DUSP22: variants seen among roughly 807,000 people sequenced by gnomAD.
DUSP22 encodes dual specificity protein phosphatase 22.
In DUSP22, 24 loss-of-function variants were observed where a neutral mutation model predicts 24.5. That is an observed-to-expected ratio of 0.98 (90% confidence interval 0.71 to 1.38). The LOEUF is 1.38. Ranked by LOEUF, DUSP22 falls within the 40% of genes most tolerant of loss-of-function variation. DUSP22 has a pLI of 0.00. For synonymous variants in DUSP22, 160 were observed against 106.4 expected (o/e 1.50, Z -3.10); for missense variants, 330 against 269.2 (o/e 1.23, Z -1.58).
chr6:314,339 G>A (rs1758247293), intron 3 of DUSP22, among the ~76,000 whole-genome samples: 2 of 152,282 alleles, frequency 1.3e-5, no homozygotes, highest in Non-Finnish European at 2.9e-5. Flanking sequence ...AAGTGGGAAG[G>A]TAGCTACTGT....
At chr6:302,142 T>C (rs974051523) in intron 1 of DUSP22, among the ~76,000 whole-genome samples, 192 of 152,360 alleles carry the variant, frequency 1.3e-3, no homozygotes, top group Non-Finnish European at 2.1e-3. Flanking sequence ...GCCATCGCCG[T>C]CACGGAGGTG....
At chr6:348,435 C>G in intron 6 of DUSP22, 161 bp downstream of exon 6, 2 of 1,224,540 alleles carry the variant, frequency 1.6e-6, no homozygotes, top group Non-Finnish European at 1.1e-6. Flanking sequence ...GAAGTCGTCA[C>G]GATCCCTCGT....
chr6:295,842 C>A (rs1757303187), intron 1 of DUSP22, among the ~76,000 whole-genome samples: 1 of 151,034 alleles, frequency 6.6e-6, no homozygotes, highest in East Asian at 1.9e-4. Flanking sequence ...CAGTTGTGAA[C>A]CATTTTTTTT....
intron 2 of DUSP22, among the ~76,000 whole-genome samples, chr6:305,592 ACT>A (rs1353736376): frequency 1.5e-4 from 23 of 152,350 alleles, no homozygotes; most frequent in African/African-American, 4.3e-4. Flanking sequence ...TCAGCTATTG[ACT>A]CTATTTTCAC....
chr6:344,564 A>G (rs1394158203), intron 4 of DUSP22, among the ~76,000 whole-genome samples: 1 of 152,306 alleles, frequency 6.6e-6, no homozygotes. Context: ...TGCTAGGATG[A>G]TAGGTGTGTG....
At chr6:340,718 T>A (rs1759570183) in intron 4 of DUSP22, among the ~76,000 whole-genome samples, 1 of 152,306 alleles carries the variant, frequency 6.6e-6, no homozygotes, top group Non-Finnish European at 1.5e-5. Context: ...TAGCGTGGTC[T>A]GGTACCATGG....
chr6:313,424 G>A (rs3800244), intron 3 of DUSP22, among the ~76,000 whole-genome samples: 13,044 of 148,538 alleles, frequency 0.088, 35 homozygotes, highest in East Asian at 0.3. Flanking sequence ...ACAGGCTAGC[G>A]AGTAAAGCAG....
In DUSP22 at chr6:348,100, CA is replaced by C. The variant is rs1759971147; in HGVS notation, c.264-2del. ...CACACATGTGCTTCTCTTGGCCCCG[CA>C]GCCTGGCCGGGGTCTCCAGGAGCGT... On this transcript the variant is annotated splice_acceptor_variant, in intron 5 of 6. Transcript: ENST00000419235. LOFTEE classifies it high-confidence loss of function. 6.2e-7 allele frequency: 1 copy of C among 1,613,984 alleles called. No homozygotes were observed.
In DUSP22 at chr6:303,269, T is replaced by C. The variant is rs535272727; in HGVS notation, c.22-1359T>C. ...CTTTCAAGATAGGAATGATAAAGTA[T>C]AGACTGTTGTCTCGGAGTAATGATT... is the stretch of plus-strand genomic sequence containing the variant. On this transcript the variant is annotated intron_variant, in intron 1 of 6. Coordinates refer to ENST00000419235, the MANE Select transcript of DUSP22 (RefSeq NM_001286555.3). Among the ~76,000 whole-genome samples, 53 of 152,402 alleles carry C rather than the reference T, an allele frequency of 3.5e-4. No individual in the cohort carries two copies. The East Asian group carries it at 7.0e-3, about 20-fold the overall frequency.
chr6:335,850 G>C (rs1283045922), intron 4 of DUSP22, among the ~76,000 whole-genome samples: 2 of 152,308 alleles, frequency 1.3e-5, no homozygotes, highest in South Asian at 2.1e-4. Context: ...GGAGTGGAAT[G>C]AATAGGTCGT....
intron 2 of DUSP22, among the ~76,000 whole-genome samples, chr6:308,459 G>A (rs1196985502): frequency 6.6e-6 from 1 of 152,070 alleles, no homozygotes; most frequent in Non-Finnish European, 1.5e-5. Context: ...AGTGGGCAGA[G>A]CCTGTGCCTT....
At chr6:338,342 T>A (rs947795919) in intron 4 of DUSP22, among the ~76,000 whole-genome samples, 3 of 152,308 alleles carry the variant, frequency 2.0e-5, no homozygotes, top group Non-Finnish European at 2.9e-5. Context: ...CTGTTACAAG[T>A]GTTCTACTGG....
At chr6:341,767 T>G (rs1759619558) in intron 4 of DUSP22, among the ~76,000 whole-genome samples, 1 of 152,300 alleles carries the variant, frequency 6.6e-6, no homozygotes, top group African/African-American at 2.4e-5. Flanking sequence ...GACTTAACTC[T>G]TACTACAGAC....
At position 335,148 on chromosome 6, in the gene DUSP22, C is replaced by A; in HGVS notation, c.173C>A (p.Ser58Ter). 6.2e-7 allele frequency: 1 copy of A among 1,613,872 alleles called. No homozygotes were observed. The highest frequency in any genetic ancestry group is 2.2e-5 in the East Asian group (1 of 44,882). Residue 58 changes from serine to a stop codon, truncating the protein, a stop_gained, in exon 4 of 7, where the codon TCA becomes TAA. Coordinates refer to ENST00000419235, the MANE Select transcript of DUSP22 (RefSeq NM_001286555.3). LOFTEE classifies it high-confidence loss of function. ...VKYLCIPAADSPSQNLTRHFK... is the reference protein window; with the variant it reads ...VKYLCIPAAD Reference sequence around the variant, plus strand: ...TACCTGTGCATCCCAGCAGCGGATTCACCATCTCAAAACCTGTAAGTTTCT... The same window carrying A: ...TACCTGTGCATCCCAGCAGCGGATTAACCATCTCAAAACCTGTAAGTTTCT...
In DUSP22 at chr6:350,688, C is replaced by A; in HGVS notation, c.*1737C>A. 1.3e-6 allele frequency: 2 copies of A among 1,570,936 alleles called. No individual in the cohort carries two copies. Among genetic ancestry groups the A allele is most frequent in the South Asian group, 2.4e-5 (2 of 84,812 alleles). ...GTTTTTCCTAAGCCAAAAATAAATA[C>A]GTTAACAGAAAAATGATTTAGGATA... On this transcript the variant is annotated 3_prime_UTR_variant, in exon 7 of 7. Coordinates refer to ENST00000419235, the MANE Select transcript of DUSP22 (RefSeq NM_001286555.3).
At chr6:300,645 C>G (rs1757537344) in intron 1 of DUSP22, among the ~76,000 whole-genome samples, 1 of 152,304 alleles carries the variant, frequency 6.6e-6, no homozygotes, top group Non-Finnish European at 1.5e-5. Flanking sequence ...CTGGAGGGTT[C>G]CTGGTTGAGC....
intron 1 of DUSP22, among the ~76,000 whole-genome samples, chr6:303,840 T>C (rs1303007216): frequency 6.6e-6 from 1 of 152,306 alleles, no homozygotes; most frequent in African/African-American, 2.4e-5. Flanking sequence ...AATCATTCCA[T>C]GCGGGGGCTG....
At chr6:344,097 C>T (rs1474858387) in intron 4 of DUSP22, among the ~76,000 whole-genome samples, 14 of 152,298 alleles carry the variant, frequency 9.2e-5, no homozygotes, top group South Asian at 4.1e-4. Context: ...TGGTTGGGAG[C>T]GCACCACAGT....
chr6:306,144 T>C (rs1757806057), intron 2 of DUSP22, among the ~76,000 whole-genome samples: 1 of 152,308 alleles, frequency 6.6e-6, no homozygotes, highest in Admixed American at 6.5e-5. Context: ...GATACATTAA[T>C]GTAGCAAACG....
Sources: gnomAD v4.1 joint callset for allele counts (sites outside exome capture counted in the v4.1 genomes callset) on GRCh38, gnomAD v4.1.1 for gene constraint, MANE v1.5 for transcripts, NCBI Gene and HGNC (gene_info 2026-07-23, HGNC 2026-07-21) for gene names.